Variants in XIRP2 observed in about 807,000 individuals in gnomAD.
The protein encoded by XIRP2 is xin actin-binding repeat-containing protein 2.
In XIRP2, 236 loss-of-function variants were observed where a neutral mutation model predicts 277.0. The observed-to-expected ratio is 0.85, with a 90% CI of 0.77 to 0.95. The LOEUF (loss-of-function observed/expected upper bound fraction) is 0.95, where lower values mean the gene tolerates loss of function less well. Among genes scored for constraint, XIRP2 ranks in the 40% least tolerant of loss-of-function variants. The pLI is 0.00. For missense variants in XIRP2, 4,640 were observed against 4,157.5 expected, an observed-to-expected ratio of 1.12 and a Z score of -3.19; for synonymous variants, 1,490 against 1,416.5, an observed-to-expected ratio of 1.05 and a Z score of -1.17.
At chr2:167,028,817 G>A (rs1410703876) in intron 2 of XIRP2, among the ~76,000 whole-genome samples, 1 of 151,470 alleles carries the variant, frequency 6.6e-6, no homozygotes, top group Non-Finnish European at 1.5e-5. Context: ...GAAAATTCAA[G>A]GTAACACCGA....
At chr2:167,038,943 C>T (rs184438634) in intron 2 of XIRP2, among the ~76,000 whole-genome samples, 4 of 151,998 alleles carry the variant, frequency 2.6e-5, no homozygotes, top group Non-Finnish European at 5.9e-5. Flanking sequence ...TTTGTGTGAT[C>T]AAATTTCTAT....
intron 4 of XIRP2, among the ~76,000 whole-genome samples, chr2:167,217,956 TTTATA>T (rs1694305369): frequency 6.6e-6 from 1 of 152,192 alleles, no homozygotes; most frequent in South Asian, 2.1e-4. Flanking sequence ...TTCTTCTGAC[TTTATA>T]TCAAAAGACT....
chr2:167,135,403 G>A (rs369475052), intron 2 of XIRP2, among the ~76,000 whole-genome samples: 4 of 152,040 alleles, frequency 2.6e-5, no homozygotes, highest in African/African-American at 9.6e-5. Flanking sequence ...TAATCTTTAT[G>A]AATCGAAAAA....
chr2:167,011,513 G>C (rs1306758835), intron 2 of XIRP2, among the ~76,000 whole-genome samples: 1 of 152,086 alleles, frequency 6.6e-6, no homozygotes, highest in East Asian at 1.9e-4. Flanking sequence ...TATTCATCAA[G>C]GATATTGGTC....
At position 167,131,615 on chromosome 2, in the gene XIRP2, A is replaced by G. The variant is rs145331430; in HGVS notation, c.409-4294A>G. 4.2e-3 allele frequency among the ~76,000 whole-genome samples: 632 copies of G among 152,266 alleles called. 4 individuals carry two copies. Among genetic ancestry groups the G allele is most frequent in the African/African-American group, 0.015 (610 of 41,568 alleles). On this transcript the variant is annotated intron_variant, in intron 2 of 10. Transcript: ENST00000409195. ...AATTAATACTTTCAATACAAGTTCA[A>G]TATTGTCAAAGATGTTCTTTCCTTC...
chr2:166,890,981 A>G (rs1467652894), intron 1 of XIRP2, among the ~76,000 whole-genome samples: 2 of 152,198 alleles, frequency 1.3e-5, no homozygotes, highest in Admixed American at 6.5e-5. Flanking sequence ...TCTCTCTTCC[A>G]TGACTTACTA....
intron 3 of XIRP2, 23 bp from the exon 4 acceptor site, chr2:167,210,712 A>G: frequency 6.2e-7 from 1 of 1,613,240 alleles, no homozygotes; most frequent in Middle Eastern, 1.6e-4. Flanking sequence ...ACACATGTGT[A>G]AGCATGCTCT....
intron 10 of XIRP2, among the ~76,000 whole-genome samples, chr2:167,255,138 A>T (rs1308129491): frequency 6.6e-6 from 1 of 151,642 alleles, no homozygotes; most frequent in Non-Finnish European, 1.5e-5. Context: ...ATGTTATGGG[A>T]ATTTATTCTT....
intron 2 of XIRP2, among the ~76,000 whole-genome samples, chr2:166,909,859 G>A (rs953201963): frequency 3.3e-5 from 5 of 152,248 alleles, no homozygotes; most frequent in South Asian, 2.1e-4. Context: ...TTCTGCATCT[G>A]TTCAGATAAT....
intron 2 of XIRP2, among the ~76,000 whole-genome samples, chr2:166,951,800 AG>A (rs1215011225): frequency 6.6e-6 from 1 of 152,022 alleles, no homozygotes; most frequent in East Asian, 1.9e-4. Context: ...TCTAAGCTTC[AG>A]CTACACTGAA....
At chr2:166,937,081 T>C (rs1685540148) in intron 2 of XIRP2, among the ~76,000 whole-genome samples, 2 of 152,158 alleles carry the variant, frequency 1.3e-5, no homozygotes, top group South Asian at 2.1e-4. Flanking sequence ...TGTCCTGTTT[T>C]ATTTCTTTCT....
intron 2 of XIRP2, among the ~76,000 whole-genome samples, chr2:167,031,122 C>A (rs1214860670): frequency 6.6e-6 from 1 of 151,762 alleles, no homozygotes; most frequent in Non-Finnish European, 1.5e-5. Flanking sequence ...GAATACAGCA[C>A]ACCAATGGGT....
chr2:167,181,395 A>G (rs113362505), intron 3 of XIRP2, among the ~76,000 whole-genome samples: 2 of 152,334 alleles, frequency 1.3e-5, no homozygotes, highest in African/African-American at 4.8e-5. Flanking sequence ...AAAGATAACC[A>G]CAATTGGAAA....
At chr2:166,959,954 G>A (rs748826201) in intron 2 of XIRP2, among the ~76,000 whole-genome samples, 18 of 151,678 alleles carry the variant, frequency 1.2e-4, no homozygotes, top group Non-Finnish European at 2.5e-4. Flanking sequence ...GCATAATTGA[G>A]TAAATTAAAA....
intron 5 of XIRP2, among the ~76,000 whole-genome samples, chr2:167,229,922 C>G (rs1465168765): frequency 6.6e-6 from 1 of 151,990 alleles, no homozygotes; most frequent in Non-Finnish European, 1.5e-5. Context: ...TGGACTTGTT[C>G]TTTTTCCTTT....
chr2:166,994,505 A>G (rs1427709904), intron 2 of XIRP2, among the ~76,000 whole-genome samples: 2 of 147,418 alleles, frequency 1.4e-5, no homozygotes, highest in Non-Finnish European at 3.0e-5. Context: ...AAAAAAAAAA[A>G]AAAATTTGAA....
At chr2:167,149,958 C>A (rs1691964685) in intron 3 of XIRP2, among the ~76,000 whole-genome samples, 1 of 151,590 alleles carries the variant, frequency 6.6e-6, no homozygotes, top group Admixed American at 6.6e-5. Context: ...ATACAAACAA[C>A]AAAAAAACTA....
At chr2:166,967,057 C>T (rs1299862089) in intron 2 of XIRP2, among the ~76,000 whole-genome samples, 1 of 151,926 alleles carries the variant, frequency 6.6e-6, no homozygotes, top group Non-Finnish European at 1.5e-5. Flanking sequence ...TTCTTCCTTC[C>T]TGCTTTGAGT....
At chr2:166,938,952 T>C (rs912298477) in intron 2 of XIRP2, among the ~76,000 whole-genome samples, 1 of 152,212 alleles carries the variant, frequency 6.6e-6, no homozygotes, top group African/African-American at 2.4e-5. Flanking sequence ...TTGGTAGATC[T>C]TCCTCCATCC....
Sources: allele counts gnomAD v4.1 joint callset (sites outside exome capture counted in the v4.1 genomes callset), GRCh38; gene constraint gnomAD v4.1.1; transcripts MANE v1.5; gene names NCBI Gene and HGNC (gene_info 2026-07-23, HGNC 2026-07-21).